The following SLC1A2 variants were observed in gnomAD, a reference collection of about 807,000 sequenced individuals.
SLC1A2 encodes excitatory amino acid transporter 2.
A neutral mutation model predicts 48.8 loss-of-function variants in SLC1A2; 15 were observed. That is an observed-to-expected ratio of 0.31 (90% confidence interval 0.21 to 0.47). The LOEUF (loss-of-function observed/expected upper bound fraction) is 0.47, where lower values mean the gene tolerates loss of function less well. Ranked by LOEUF, SLC1A2 falls within the 20% of genes least tolerant of loss-of-function variation. The pLI is 0.99. For synonymous variants in SLC1A2, 279 were observed against 272.6 expected, an observed-to-expected ratio of 1.02 and a Z score of -0.23; for missense variants, 502 against 730.5, an observed-to-expected ratio of 0.69 and a Z score of 3.61.
At chr11:35,378,065 C>T (rs902877519) in intron 1 of SLC1A2, among the ~76,000 whole-genome samples, 5 of 152,238 alleles carry the variant, frequency 3.3e-5, no homozygotes, top group Non-Finnish European at 7.3e-5. Context: ...ACCACACAAG[C>T]TCCCAGAAAT....
intron 10 of SLC1A2, chr11:35,262,001 A>G (rs1483345117): frequency 3.0e-6 from 1 of 337,628 alleles, no homozygotes; most frequent in African/African-American, 2.1e-5. Context: ...ACATGCAGTT[A>G]TTCTGATTAA....
intron 9 of SLC1A2, among the ~76,000 whole-genome samples, chr11:35,268,124 T>TA (rs2045747245): frequency 6.6e-6 from 1 of 152,224 alleles, no homozygotes. Flanking sequence ...GGCATGTCTT[T>TA]AACCTTGGAA....
rs1287303355 is a variant in SLC1A2 at position 35,257,095 on chromosome 11, C to T, written c.*3799G>A. ...AGAATTGGGTTTCCTTTGGTGGACC[C>T]AGTAAATGAGTTTCCCAACCACTTT... On this transcript the variant is annotated 3_prime_UTR_variant, in exon 11 of 11. Coordinates refer to ENST00000278379, the MANE Select transcript of SLC1A2 (RefSeq NM_004171.4). 6.6e-6 allele frequency: 1 copy of T among 152,302 alleles called. No individual in the cohort carries two copies. Among genetic ancestry groups the T allele is most frequent in the East Asian group, 1.9e-4 (1 of 5,184 alleles). The allele number at this position is 152,302 out of a possible 1,614,324, so 9.4% of individuals were successfully genotyped here. A position where few individuals can be genotyped will look rare whatever the true frequency, so the allele number is the denominator to read the frequency against.
rs1341360264 is a variant in SLC1A2 at position 35,256,006 on chromosome 11, C to T, written c.*4888G>A. On this transcript the variant is annotated 3_prime_UTR_variant, in exon 11 of 11. Transcript: ENST00000278379. ...GGTCACATTTTATAGTAGGAAGCCT[C>T]TTAAGAAGGAAACAAAGCAGAGATC... The T allele has an allele frequency of 6.6e-6, 1 of 152,102 alleles. No individual in the cohort carries two copies. Among genetic ancestry groups the T allele is most frequent in the Non-Finnish European group, 1.5e-5 (1 of 68,016 alleles). The allele number at this position is 152,102 out of a possible 1,614,324, so 9.4% of individuals were successfully genotyped here.
At chr11:35,264,774 T>G (rs1160580115) in intron 10 of SLC1A2, 1 of 152,124 alleles carries the variant, frequency 6.6e-6, no homozygotes, top group East Asian at 1.9e-4. Context: ...AATTCACCTT[T>G]CCCACACAAA....
intron 10 of SLC1A2, among the ~76,000 whole-genome samples, chr11:35,262,312 G>A (rs1950406041): frequency 6.6e-6 from 1 of 152,184 alleles, no homozygotes; most frequent in South Asian, 2.1e-4. Flanking sequence ...GACAGCACTT[G>A]GGGGGAAGTG....
intron 1 of SLC1A2, among the ~76,000 whole-genome samples, chr11:35,353,746 G>A (rs1335470865): frequency 6.6e-6 from 1 of 152,150 alleles, no homozygotes; most frequent in African/African-American, 2.4e-5. Context: ...AACAGACCAT[G>A]TTGATATTTA....
chr11:35,400,834 G>A (rs773573857), intron 1 of SLC1A2, among the ~76,000 whole-genome samples: 10 of 152,176 alleles, frequency 6.6e-5, no homozygotes, highest in Non-Finnish European at 1.0e-4. Flanking sequence ...ACTATGGCCC[G>A]TGACATAACC....
chr11:35,274,852 G>C (rs990513139), intron 9 of SLC1A2, among the ~76,000 whole-genome samples: 1 of 152,204 alleles, frequency 6.6e-6, no homozygotes, highest in Non-Finnish European at 1.5e-5. Flanking sequence ...CACTCACTAA[G>C]TATTAGCTAT....
intron 1 of SLC1A2, among the ~76,000 whole-genome samples, chr11:35,347,487 A>G (rs1853084776): frequency 6.6e-6 from 1 of 152,254 alleles, no homozygotes; most frequent in South Asian, 2.1e-4. Context: ...TGTTTTCAGA[A>G]GGATTCCAAG....
rs956504285 is a variant in SLC1A2, at chr11:35,260,430, C to T, written c.*464G>A. The T allele has an allele frequency of 6.4e-6, 1 of 156,904 alleles. No individual in the cohort carries two copies. The highest frequency in any genetic ancestry group is 6.1e-5 in the Admixed American group (1 of 16,304). The allele number at this position is 156,904 out of a possible 1,614,324, so 9.7% of individuals were successfully genotyped here. A position where few individuals can be genotyped will look rare whatever the true frequency, so the allele number is the denominator to read the frequency against. On this transcript the variant is annotated 3_prime_UTR_variant, in exon 11 of 11. Transcript: ENST00000278379. ...CTAGACATTTTAAGGGGAGTTACTT[C>T]TAGAGGCTTTTAATAGAATCTCTTG... is the stretch of plus-strand genomic sequence containing the variant.
intron 1 of SLC1A2, among the ~76,000 whole-genome samples, chr11:35,343,808 A>G (rs910493824): frequency 6.6e-6 from 1 of 151,310 alleles, no homozygotes; most frequent in Non-Finnish European, 1.5e-5. Flanking sequence ...ACACAGAGGC[A>G]CACACACACA....
chr11:35,288,379 A>G (rs1355425051), intron 7 of SLC1A2, among the ~76,000 whole-genome samples: 1 of 152,158 alleles, frequency 6.6e-6, no homozygotes, highest in Non-Finnish European at 1.5e-5. Context: ...ACCCAGGGCA[A>G]AGTTGGAGCC....
chr11:35,306,172 A>G lies in SLC1A2; in HGVS notation c.632T>C (p.Val211Ala). The change falls in exon 5 of 11, where the codon GTT (valine) becomes GCT (alanine). Residue 211 changes from valine (V) to alanine (A), a missense_variant. Val to Ala is a moderately conservative substitution (Grantham distance 64). Transcript: ENST00000278379. The stretch of plus-strand genomic sequence containing the variant: ...CACAGTCTCGTTCAACAGAGAGACA[A>G]CAGCGCTGGTTGCGTTGGCCTCCTC... ...PDEEANATSA[V>A]VSLLNETVTE... The G allele has an allele frequency of 6.2e-7, 1 of 1,614,106 alleles. No individual in the cohort carries two copies. The highest frequency in any genetic ancestry group is 8.5e-7 in the Non-Finnish European group (1 of 1,179,936).
chr11:35,402,456 C>T (rs1384726939), intron 1 of SLC1A2, among the ~76,000 whole-genome samples: 1 of 152,170 alleles, frequency 6.6e-6, no homozygotes, highest in African/African-American at 2.4e-5. Context: ...CGAGCCCTTC[C>T]CTGATACCTT....
At chr11:35,300,170 C>T (rs1008880011) in intron 6 of SLC1A2, among the ~76,000 whole-genome samples, 8 of 152,132 alleles carry the variant, frequency 5.3e-5, no homozygotes, top group African/African-American at 9.7e-5. Context: ...ATTGCTTAGA[C>T]GATCCAAACC....
chr11:35,373,571 C>T (rs756220937), intron 1 of SLC1A2, among the ~76,000 whole-genome samples: 40 of 152,062 alleles, frequency 2.6e-4, no homozygotes, highest in Non-Finnish European at 3.5e-4. Flanking sequence ...TAAGTGGGAA[C>T]GCAGGAAAGA....
At chr11:35,397,896 T>C (rs957123983) in intron 1 of SLC1A2, among the ~76,000 whole-genome samples, 3 of 152,194 alleles carry the variant, frequency 2.0e-5, no homozygotes, top group African/African-American at 7.2e-5. Context: ...GCCACCCAGT[T>C]TATGGAATTG....
chr11:35,312,306 C>T lies in SLC1A2; in HGVS notation c.453G>A (p.Lys151=), dbSNP rs1358621043. The T allele has an allele frequency of 3.1e-6, 5 of 1,614,024 alleles. No homozygotes were observed. In the African/African-American group the frequency reaches 5.3e-5, roughly 17 times the overall value. ...CATTCTTCTTCCCAGGCCCCAGCTGCTTCTTGAGCTTGGGATTGCCTGGAT... is the reference window on the plus strand; with the variant it reads ...CATTCTTCTTCCCAGGCCCCAGCTGTTTCTTGAGCTTGGGATTGCCTGGAT... The part of the protein sequence containing the change: ...AIHPGNPKLK[K]QLGPGKKNDE... The change falls in exon 4 of 11, where the codon AAG becomes AAA. Residue 151 remains lysine, a synonymous_variant. Transcript: ENST00000278379.
Sources: allele counts gnomAD v4.1 joint callset (sites outside exome capture counted in the v4.1 genomes callset), GRCh38; gene constraint gnomAD v4.1.1; transcripts MANE v1.5; gene names NCBI Gene and HGNC (gene_info 2026-07-23, HGNC 2026-07-21).